Variants in ITGB3 observed in about 807,000 individuals in gnomAD.
ITGB3 encodes integrin beta-3.
Under a neutral mutation model 85.8 loss-of-function variants are expected in ITGB3, and 48 were observed. The ratio of observed to expected loss-of-function variants is 0.56; its 90% CI spans 0.44 to 0.71. The LOEUF is 0.71. Among genes scored for constraint, ITGB3 ranks in the 30% least tolerant of loss-of-function variants. ITGB3 has a pLI of 0.00. For missense variants in ITGB3, 861 were observed against 1,019.1 expected, an observed-to-expected ratio of 0.84 and a Z score of 2.11; for synonymous variants, 363 against 395.6, an observed-to-expected ratio of 0.92 and a Z score of 0.98.
At chr17:47,284,778 T>TCACTTTGTTGGCTGTCTTCTTGC (rs2065096884) in intron 4 of ITGB3, 83 bp downstream of exon 4, 39 of 1,574,226 alleles carry the variant, frequency 2.5e-5, no homozygotes, top group Non-Finnish European at 3.4e-5. Context: ...AGCTCTAGGA[T>TCACTTTGTTGGCTGTCTTCTTGC]CACTTTGTTG....
intron 12 of ITGB3, among the ~76,000 whole-genome samples, chr17:47,301,388 G>A (rs1305076463): frequency 2.0e-5 from 3 of 152,192 alleles, no homozygotes; most frequent in African/African-American, 7.2e-5. Flanking sequence ...CAGCTTCCTG[G>A]TGGGCGTGTT....
intron 2 of ITGB3, among the ~76,000 whole-genome samples, chr17:47,278,778 T>G (rs1015372372): frequency 9.9e-5 from 15 of 152,078 alleles, no homozygotes; most frequent in Non-Finnish European, 2.1e-4. Context: ...TCACAGGAGC[T>G]CAAACCCTAC....
Position 47,300,553 on chromosome 17 carries a change from C to T in ITGB3, c.1989C>T (p.Asp663=), listed in dbSNP as rs759129863. The T allele has an allele frequency of 1.3e-5, 21 of 1,613,872 alleles. No individual in the cohort carries two copies. Among genetic ancestry groups the T allele is most frequent in the Middle Eastern group, 1.6e-4 (1 of 6,082 alleles). The part of the protein sequence containing the change: ...DENTCNRYCR[D]EIESVKELKD... ...ATACCTGCAACCGTTACTGCCGTGACGAGATTGAGTCAGTGAAAGAGCTTA... is the reference window on the plus strand; with the variant it reads ...ATACCTGCAACCGTTACTGCCGTGATGAGATTGAGTCAGTGAAAGAGCTTA... Residue 663 remains aspartate, a synonymous_variant, in exon 12 of 15, where the codon GAC becomes GAT. Transcript: ENST00000559488.
chr17:47,268,463 G>C (rs1284489971), intron 1 of ITGB3, among the ~76,000 whole-genome samples: 1 of 152,174 alleles, frequency 6.6e-6, no homozygotes, highest in Non-Finnish European at 1.5e-5. Flanking sequence ...GGAGGCATTG[G>C]GTAAATACAG....
At position 47,285,540 on chromosome 17, in the gene ITGB3, C is replaced by T. The variant is rs1362141583; in HGVS notation, c.615-720C>T. On this transcript the variant is annotated intron_variant, in intron 4 of 14. Coordinates refer to ENST00000559488, the MANE Select transcript of ITGB3 (RefSeq NM_000212.3). The stretch of plus-strand genomic sequence containing the variant: ...GCTGAGGTGGGAGGATTGATTGAGC[C>T]TGGGAGGTTGAGGCTGCAGTGAGCC... Among the ~76,000 whole-genome samples, 12 of 152,182 alleles carry T rather than the reference C, an allele frequency of 7.9e-5. No homozygotes were observed. In the East Asian group the frequency reaches 2.1e-3, roughly 27 times the overall value.
intron 1 of ITGB3, among the ~76,000 whole-genome samples, chr17:47,260,392 T>C (rs562124367): frequency 9.2e-5 from 14 of 152,318 alleles, no homozygotes; most frequent in African/African-American, 2.9e-4. Context: ...TTGGAGTTCA[T>C]GTAAGGATTT....
chr17:47,254,794 T>C (rs1340618730), intron 1 of ITGB3, among the ~76,000 whole-genome samples: 1 of 152,214 alleles, frequency 6.6e-6, no homozygotes, highest in Non-Finnish European at 1.5e-5. Context: ...CCCGTGGTCC[T>C]CTCTGAGTCC....
At chr17:47,281,960 G>C (rs2065085174) in intron 2 of ITGB3, among the ~76,000 whole-genome samples, 1 of 152,010 alleles carries the variant, frequency 6.6e-6, no homozygotes, top group Admixed American at 6.6e-5. Flanking sequence ...ATTTTGTTTT[G>C]TTTTGTGAGA....
chr17:47,278,066 C>A (rs1463265453), intron 2 of ITGB3, among the ~76,000 whole-genome samples: 1 of 152,170 alleles, frequency 6.6e-6, no homozygotes, highest in Non-Finnish European at 1.5e-5. Flanking sequence ...ATACCAACAA[C>A]TATAAACAAA....
chr17:47,267,610 G>GTT (rs762337748), intron 1 of ITGB3, among the ~76,000 whole-genome samples: 38 of 152,112 alleles, frequency 2.5e-4, no homozygotes, highest in Non-Finnish European at 3.7e-4. Context: ...TAAAAAGAGT[G>GTT]GATAAAGGGA....
intron 10 of ITGB3, 56 bp downstream of exon 10, chr17:47,292,624 C>T: frequency 1.3e-6 from 2 of 1,568,756 alleles, no homozygotes; most frequent in South Asian, 2.2e-5. Context: ...CATATACCTG[C>T]AACCACTGGA....
chr17:47,302,677 AGTAGTTG>A (rs772635449), intron 12 of ITGB3, 37 bp from the exon 13 acceptor site: 2 of 1,612,996 alleles, frequency 1.2e-6, no homozygotes, highest in Admixed American at 3.3e-5. Flanking sequence ...CCCATCTTCC[AGTAGTTG>A]TCTCACTTTT....
intron 4 of ITGB3, among the ~76,000 whole-genome samples, chr17:47,286,045 C>T (rs1300599947): frequency 6.6e-6 from 1 of 152,164 alleles, no homozygotes; most frequent in East Asian, 1.9e-4. Flanking sequence ...CCAGCTCAAT[C>T]TCTTATCTTC....
chr17:47,280,297 G>A (rs916422406), intron 2 of ITGB3, among the ~76,000 whole-genome samples: 5 of 152,174 alleles, frequency 3.3e-5, no homozygotes, highest in African/African-American at 9.7e-5. Flanking sequence ...AAGGGGGATC[G>A]GACTGGAGAG....
chr17:47,271,952 A>T (rs969880356), intron 1 of ITGB3, among the ~76,000 whole-genome samples: 1 of 77,800 alleles, frequency 1.3e-5, no homozygotes, highest in African/African-American at 5.6e-5. Context: ...ACGGGGTTTC[A>T]CCATGTTGGT....
intron 8 of ITGB3, among the ~76,000 whole-genome samples, chr17:47,290,491 G>A (rs1403647126): frequency 7.6e-6 from 1 of 132,356 alleles, no homozygotes; most frequent in Non-Finnish European, 1.7e-5. Flanking sequence ...AAGGAAAGAA[G>A]ATGGGGATGG....
At chr17:47,268,489 G>T (rs1420192832) in intron 1 of ITGB3, among the ~76,000 whole-genome samples, 1 of 152,200 alleles carries the variant, frequency 6.6e-6, no homozygotes, top group East Asian at 1.9e-4. Context: ...CCAAATGGGA[G>T]AAATTGGCCA....
intron 1 of ITGB3, among the ~76,000 whole-genome samples, chr17:47,257,493 C>G (rs187676589): frequency 4.2e-4 from 64 of 152,358 alleles, no homozygotes; most frequent in African/African-American, 1.5e-3. Context: ...GTTCAATACT[C>G]TATGCCCACT....
At chr17:47,269,272 G>T (rs548218314) in intron 1 of ITGB3, among the ~76,000 whole-genome samples, 2 of 152,280 alleles carry the variant, frequency 1.3e-5, no homozygotes, top group South Asian at 4.1e-4. Flanking sequence ...TTAACATTCA[G>T]CTCCTCGTTA....
Sources: allele counts gnomAD v4.1 joint callset (sites outside exome capture counted in the v4.1 genomes callset), GRCh38; gene constraint gnomAD v4.1.1; transcripts MANE v1.5; gene names NCBI Gene and HGNC (gene_info 2026-07-23, HGNC 2026-07-21).